MYO1H: variants seen among roughly 807,000 people sequenced by gnomAD.
MYO1H encodes the protein myosin IH.
MYO1H carries 118 observed loss-of-function variants against 149.3 expected under a neutral mutation model. The observed-to-expected ratio is 0.79, with a 90% CI of 0.68 to 0.92. The LOEUF is 0.92. MYO1H is among the 40% of genes least tolerant of loss of function. The pLI, the probability that MYO1H is intolerant of heterozygous loss-of-function variation, is 0.00. For synonymous variants in MYO1H, 447 were observed against 465.2 expected (o/e 0.96, Z 0.50); for missense variants, 1,212 against 1,280.7 (o/e 0.95, Z 0.82).
chr12:109,396,440 T>C (rs1328291365), exon 4 of MYO1H: 1 of 1,613,860 alleles, frequency 6.2e-7, no homozygotes, highest in African/African-American at 1.3e-5. Flanking sequence ...AATAACCATT[T>C]CATCCTCATT....
the MYO1H span, among the ~76,000 whole-genome samples, chr12:109,336,605 G>C: frequency 1.3e-5 from 2 of 152,052 alleles, no homozygotes; most frequent in African/African-American, 4.8e-5. Flanking sequence ...AATTTCAGTA[G>C]AAAAAAATAA....
chr12:109,381,017 T>C (rs188573460), intron 1 of MYO1H, among the ~76,000 whole-genome samples: 2 of 152,292 alleles, frequency 1.3e-5, no homozygotes, highest in East Asian at 3.9e-4. Flanking sequence ...ACTCATAATA[T>C]ATTTTATTTT....
At chr12:109,421,132 A>G in intron 16 of MYO1H, 105 bp downstream of exon 16, 1 of 703,146 alleles carries the variant, frequency 1.4e-6, no homozygotes, top group South Asian at 1.8e-5. Flanking sequence ...TTTTCCATGC[A>G]TCGTATTAGA....
intron 1 of MYO1H, among the ~76,000 whole-genome samples, chr12:109,353,893 G>A (rs1868523913): frequency 1.3e-5 from 2 of 152,144 alleles, no homozygotes; most frequent in South Asian, 4.1e-4. Flanking sequence ...CTGACCTCAG[G>A]TGATCTGCCC....
chr12:109,377,836 T>A (rs1869114844), intron 1 of MYO1H, among the ~76,000 whole-genome samples: 1 of 152,196 alleles, frequency 6.6e-6, no homozygotes, highest in Non-Finnish European at 1.5e-5. Context: ...ATAATGAATC[T>A]CCTAGTAACT....
At chr12:109,337,599 T>G in the MYO1H span, among the ~76,000 whole-genome samples, 1 of 152,146 alleles carries the variant, frequency 6.6e-6, no homozygotes, top group Non-Finnish European at 1.5e-5. Context: ...CTAGTGAGAC[T>G]TATTCACTAT....
At chr12:109,427,553 C>T in exon 19 of MYO1H, 2 of 1,612,478 alleles carry the variant, frequency 1.2e-6, no homozygotes, top group Non-Finnish European at 1.7e-6. Context: ...GCTGGTTTTG[C>T]ATACCGAAGG....
At chr12:109,401,647 C>A (rs1190029002) in intron 6 of MYO1H, among the ~76,000 whole-genome samples, 2 of 152,132 alleles carry the variant, frequency 1.3e-5, no homozygotes, top group Non-Finnish European at 2.9e-5. Context: ...TAGCGTACAG[C>A]CAAAGTGAGG....
At chr12:109,416,864 G>A (rs1335611382) in intron 15 of MYO1H, among the ~76,000 whole-genome samples, 12 of 152,228 alleles carry the variant, frequency 7.9e-5, no homozygotes, top group Middle Eastern at 3.4e-3. Flanking sequence ...AAAATTAGCC[G>A]GGCGTGGTGG....
At chr12:109,441,749 C>T in intron 26 of MYO1H, 41 bp downstream of exon 26, 1 of 1,466,140 alleles carries the variant, frequency 6.8e-7, no homozygotes. Flanking sequence ...CTTTCCAATT[C>T]TAAAAGGAGT....
chr12:109,357,648 AT>A (rs1012514270), intron 1 of MYO1H, among the ~76,000 whole-genome samples: 12 of 151,344 alleles, frequency 7.9e-5, no homozygotes, highest in East Asian at 1.9e-4. Flanking sequence ...TATTCTCTTG[AT>A]TTTTTTTCTC....
the MYO1H span, among the ~76,000 whole-genome samples, chr12:109,333,150 T>G: frequency 6.6e-6 from 1 of 152,060 alleles, no homozygotes; most frequent in Non-Finnish European, 1.5e-5. Context: ...TGAAACCCCG[T>G]TTCTTTTAAA....
intron 2 of MYO1H, among the ~76,000 whole-genome samples, chr12:109,392,750 T>TA (rs937075849): frequency 4.4e-4 from 67 of 151,968 alleles, no homozygotes; most frequent in Middle Eastern, 3.4e-3. Flanking sequence ...TGCCTGCTAA[T>TA]ATGGCCTGCC....
At chr12:109,429,780 A>G (rs1871533133) in intron 19 of MYO1H, among the ~76,000 whole-genome samples, 1 of 152,138 alleles carries the variant, frequency 6.6e-6, no homozygotes, top group Non-Finnish European at 1.5e-5. Context: ...TGAGTGAGGA[A>G]GTGAGCCATG....
At chr12:109,388,791 G>A (rs1425604047) in exon 2 of MYO1H, 18 of 1,613,122 alleles carry the variant, frequency 1.1e-5, no homozygotes, top group African/African-American at 1.3e-5. Context: ...GTACACCAGC[G>A]AATCTGCCTT....
intron 1 of MYO1H, among the ~76,000 whole-genome samples, chr12:109,373,752 A>G (rs959124719): frequency 6.6e-6 from 1 of 152,240 alleles, no homozygotes; most frequent in African/African-American, 2.4e-5. Context: ...TTAAAGAATA[A>G]CAAACACTCA....
chr12:109,370,182 A>G (rs767642508), intron 1 of MYO1H, among the ~76,000 whole-genome samples: 3 of 152,182 alleles, frequency 2.0e-5, no homozygotes, highest in African/African-American at 7.2e-5. Context: ...CCAGATTCCC[A>G]GGCCCATTTC....
At chr12:109,388,722 G>A (rs1166218138) in exon 2 of MYO1H, 1 of 1,607,792 alleles carries the variant, frequency 6.2e-7, no homozygotes, top group Non-Finnish European at 8.5e-7. Context: ...TCTGCACATG[G>A]AAGGGGCGCT....
chr12:109,354,623 A>AC, intron 1 of MYO1H, among the ~76,000 whole-genome samples: 1 of 147,500 alleles, frequency 6.8e-6, no homozygotes, highest in African/African-American at 2.6e-5. Flanking sequence ...CTGTCTAAAA[A>AC]AAAAAAAAAA....
Sources: allele counts gnomAD v4.1 joint callset (sites outside exome capture counted in the v4.1 genomes callset), GRCh38; gene constraint gnomAD v4.1.1; transcripts MANE v1.5; gene names NCBI Gene and HGNC (gene_info 2026-07-23, HGNC 2026-07-21).